The following SLC22A24 variants were observed in gnomAD, a reference collection of about 807,000 sequenced individuals.
The protein encoded by SLC22A24 is solute carrier family 22 member 24.
Under a neutral mutation model 49.8 loss-of-function variants are expected in SLC22A24, and 53 were observed. The observed-to-expected ratio is 1.06, with a 90% CI of 0.85 to 1.34. The LOEUF (loss-of-function observed/expected upper bound fraction) is 1.34, where lower values mean the gene tolerates loss of function less well. Among genes scored for constraint, SLC22A24 ranks in the 40% most tolerant of loss-of-function variants. SLC22A24 has a pLI of 0.00. For synonymous variants in SLC22A24, 302 were observed against 256.4 expected (o/e 1.18, Z -1.70); for missense variants, 786 against 675.9 (o/e 1.16, Z -1.81).
At chr11:63,138,526 C>T (rs1274062968) in intron 1 of SLC22A24, among the ~76,000 whole-genome samples, 1 of 151,442 alleles carries the variant, frequency 6.6e-6, no homozygotes, top group African/African-American at 2.4e-5. Context: ...CCTGTAGTCC[C>T]AGCTACTCGG....
chr11:63,135,059 C>T (rs923158788), intron 1 of SLC22A24, among the ~76,000 whole-genome samples: 1 of 152,120 alleles, frequency 6.6e-6, no homozygotes, highest in African/African-American at 2.4e-5. Flanking sequence ...CCACTAAGTT[C>T]CTTTAATGCA....
chr11:63,140,205 C>T (rs992232335), intron 1 of SLC22A24, among the ~76,000 whole-genome samples: 1 of 151,628 alleles, frequency 6.6e-6, no homozygotes, highest in Non-Finnish European at 1.5e-5. Flanking sequence ...CCTCACCCTC[C>T]TGAGTAGCTG....
intron 6 of SLC22A24, among the ~76,000 whole-genome samples, chr11:63,089,065 T>A (rs112520223): frequency 6.6e-6 from 1 of 152,028 alleles, no homozygotes; most frequent in Non-Finnish European, 1.5e-5. Context: ...ATTCAGGAAA[T>A]ACAGAGAACA....
chr11:63,139,815 C>T (rs2087401813), intron 1 of SLC22A24, among the ~76,000 whole-genome samples: 1 of 152,160 alleles, frequency 6.6e-6, no homozygotes, highest in African/African-American at 2.4e-5. Context: ...TGGCCCTTTT[C>T]CTCCAAGGGC....
chr11:63,083,247 G>T lies in SLC22A24; in HGVS notation c.1281C>A (p.Pro427=). ...TGAAACTCCTGTCTCTCTCACCTTG[G>T]GGCAAAAAGGTGTTGACCAGAATGA... ...GLFILVNTFL[P]QEMQILRVVL... is the part of the protein sequence containing the mutation. Residue 427 remains proline, a synonymous_variant, in exon 7 of 10, where the codon CCC becomes CCA. Coordinates refer to ENST00000612278, the MANE Select transcript of SLC22A24 (RefSeq NM_001136506.2). 1 of 1,553,516 alleles carries T rather than the reference G, an allele frequency of 6.4e-7. No homozygotes were observed. Among genetic ancestry groups the T allele is most frequent in the South Asian group, 1.2e-5 (1 of 84,122 alleles).
chr11:63,083,017 G>T (rs1336462754), intron 7 of SLC22A24, among the ~76,000 whole-genome samples: 1 of 152,224 alleles, frequency 6.6e-6, no homozygotes, highest in African/African-American at 2.4e-5. Context: ...CTGTGATGAA[G>T]ACAACCGTGT....
chr11:63,135,637 G>A (rs776609824), intron 1 of SLC22A24, among the ~76,000 whole-genome samples: 6 of 152,032 alleles, frequency 3.9e-5, no homozygotes, highest in East Asian at 3.9e-4. Context: ...GACATTTCTC[G>A]CTTTATTTTT....
At position 63,143,468 on chromosome 11, in the gene SLC22A24, G is replaced by T; in HGVS notation, c.312C>A (p.Thr104=). The T allele has an allele frequency of 2.5e-6, 4 of 1,595,766 alleles. No individual in the cohort carries two copies. Among genetic ancestry groups the T allele is most frequent in the Middle Eastern group, 1.7e-4 (1 of 5,980 alleles). The change falls in exon 1 of 10, where the codon ACC becomes ACA. Residue 104 remains threonine (T), a synonymous_variant. Coordinates refer to ENST00000612278, the MANE Select transcript of SLC22A24 (RefSeq NM_001136506.2). ...TGTCTGGCTCATTTGTGTTGGGGAA[G>T]GTCCCGTTCAGGTGAAGGAGCTGCC... ...PQWQLLHLNG[T]FPNTNEPDTE...
intron 7 of SLC22A24, among the ~76,000 whole-genome samples, 187 bp from the exon 8 acceptor site, chr11:63,081,853 A>G (rs79689696): frequency 0.028 from 4,333 of 152,288 alleles, 179 homozygotes; most frequent in African/African-American, 0.097. Flanking sequence ...GTAGGGCTTA[A>G]ACATTGAATA....
chr11:63,119,347 TA>T lies in SLC22A24; in HGVS notation c.507-13del. ...TCTTCCGTCCAACCCTAAGAAATAT[TA>T]AACCAGATAACGTTACTTAGGAACA... On this transcript the variant is annotated splice_polypyrimidine_tract_variant and intron_variant, in intron 2 of 9. Transcript: ENST00000612278. 6.6e-7 allele frequency: 1 copy of T among 1,512,984 alleles called. No individual in the cohort carries two copies. Among genetic ancestry groups the T allele is most frequent in the Non-Finnish European group, 8.8e-7 (1 of 1,131,144 alleles). 93.7% of individuals were successfully genotyped at this position (1,512,984 alleles called of 1,614,324 possible).
chr11:63,096,852 T>C (rs1944041), intron 5 of SLC22A24, among the ~76,000 whole-genome samples: 115,709 of 152,098 alleles, frequency 0.76, 44,788 homozygotes, highest in East Asian at 0.9. Context: ...AGCCCTGCCA[T>C]TTGATATATT....
intron 2 of SLC22A24, among the ~76,000 whole-genome samples, chr11:63,124,931 C>T (rs370640646): frequency 6.7e-6 from 1 of 148,480 alleles, no homozygotes; most frequent in South Asian, 2.2e-4. Context: ...GGAAGGGGAA[C>T]ATCACACTCT....
At chr11:63,083,704 T>G (rs1411906114) in intron 6 of SLC22A24, among the ~76,000 whole-genome samples, 1 of 152,182 alleles carries the variant, frequency 6.6e-6, no homozygotes, top group Non-Finnish European at 1.5e-5. Flanking sequence ...TGTCATAATT[T>G]TTACTGGGTC....
intron 7 of SLC22A24, among the ~76,000 whole-genome samples, 178 bp from the exon 8 acceptor site, chr11:63,081,844 T>C (rs1374402279): frequency 6.6e-6 from 1 of 152,196 alleles, no homozygotes; most frequent in African/African-American, 2.4e-5. Context: ...TGTAAAATGG[T>C]AGGGCTTAAA....
chr11:63,080,889 C>G, intron 9 of SLC22A24, 31 bp downstream of exon 9: 3 of 1,531,710 alleles, frequency 2.0e-6, no homozygotes, highest in Non-Finnish European at 2.7e-6. Flanking sequence ...AGCCACTCCC[C>G]ACTCAAGTGA....
At chr11:63,111,172 A>G (rs2087161032) in intron 4 of SLC22A24, among the ~76,000 whole-genome samples, 1 of 151,934 alleles carries the variant, frequency 6.6e-6, no homozygotes, top group Non-Finnish European at 1.5e-5. Flanking sequence ...TGTATGTTGA[A>G]CCAGCCTTGC....
At chr11:63,087,871 C>T (rs780574073) in intron 6 of SLC22A24, among the ~76,000 whole-genome samples, 13 of 152,090 alleles carry the variant, frequency 8.5e-5, no homozygotes, top group East Asian at 3.9e-4. Context: ...TTCTCCTCAC[C>T]GGGCAAAGCA....
At chr11:63,085,310 G>T (rs930580859) in intron 6 of SLC22A24, among the ~76,000 whole-genome samples, 4 of 152,110 alleles carry the variant, frequency 2.6e-5, no homozygotes, top group Non-Finnish European at 5.9e-5. Context: ...GGAAAAAAAG[G>T]TTGGGAATAT....
intron 6 of SLC22A24, among the ~76,000 whole-genome samples, chr11:63,089,504 G>A (rs574396696): frequency 4.6e-5 from 7 of 152,188 alleles, no homozygotes; most frequent in South Asian, 4.2e-4. Context: ...TGAAGAAAGC[G>A]CATCAACTAA....
Sources: allele counts gnomAD v4.1 joint callset (sites outside exome capture counted in the v4.1 genomes callset), GRCh38; gene constraint gnomAD v4.1.1; transcripts MANE v1.5; gene names NCBI Gene and HGNC (gene_info 2026-07-23, HGNC 2026-07-21).